DHX34: variants seen among roughly 807,000 people sequenced by gnomAD.
DHX34 encodes the protein probable ATP-dependent RNA helicase DHX34.
In DHX34, 96 loss-of-function variants were observed where a neutral mutation model predicts 111.1. That is an observed-to-expected ratio of 0.86 (90% CI 0.73 to 1.02). The LOEUF (loss-of-function observed/expected upper bound fraction) is 1.02. Among genes scored for constraint, DHX34 ranks in the 50% least tolerant of loss-of-function variants. The probability of loss-of-function intolerance (pLI) is 0.00; values close to 1 mark genes in which losing one functional copy is unlikely to be tolerated. For synonymous variants in DHX34, 688 were observed against 670.4 expected, an observed-to-expected ratio of 1.03 and a Z score of -0.41; for missense variants, 1,560 against 1,579.9, an observed-to-expected ratio of 0.99 and a Z score of 0.21.
In DHX34 at chr19:47,362,603, C is replaced by T. The variant is rs149791926; in HGVS notation, c.1503C>T (p.Phe501=). The T allele has an allele frequency of 1.5e-4, 250 of 1,613,964 alleles. No homozygotes were observed. The East Asian group carries it at 2.3e-3, about 15-fold the overall frequency. ...RAGRTGPGVC[F]RLYAESDYDA... Reference sequence around the variant, plus strand: ...GCCGCACGGGCCCCGGAGTCTGCTTCCGCCTCTATGCCGAATCGGACTATG... The same window carrying T: ...GCCGCACGGGCCCCGGAGTCTGCTTTCGCCTCTATGCCGAATCGGACTATG... Residue 501 remains phenylalanine (F), a synonymous_variant, in exon 6 of 17, where the codon TTC becomes TTT. Coordinates refer to ENST00000328771, the MANE Select transcript of DHX34 (RefSeq NM_014681.6).
chr19:47,379,856 A>C lies in DHX34; in HGVS notation c.2853A>C (p.Glu951Asp). Residue 951 changes from glutamate (E) to aspartate (D), a missense_variant, in exon 14 of 17, where the codon GAA becomes GAC. By Grantham distance (45) the Glu-to-Asp change is conservative (BLOSUM62 2). Coordinates refer to ENST00000328771, the MANE Select transcript of DHX34 (RefSeq NM_014681.6). ...AASLRLRARW[E>D]SALDRQLAHQ... is the part of the protein sequence containing the mutation. Reference sequence around the variant, plus strand: ...CCCTGCGGCTCCGTGCCCGCTGGGAAAGTGCCCTGGACCGGCAGCTGGCGC... The same window carrying C: ...CCCTGCGGCTCCGTGCCCGCTGGGACAGTGCCCTGGACCGGCAGCTGGCGC... 1 of 1,613,752 alleles carries C rather than the reference A, an allele frequency of 6.2e-7. No homozygotes were observed. Among genetic ancestry groups the C allele is most frequent in the Non-Finnish European group, 8.5e-7 (1 of 1,179,826 alleles).
At chr19:47,376,403 G>A (rs1970157737) in intron 11 of DHX34, 40 bp from the exon 12 acceptor site, 2 of 1,590,002 alleles carry the variant, frequency 1.3e-6, no homozygotes, top group Non-Finnish European at 1.7e-6. Flanking sequence ...AGAGGAGAGA[G>A]CAGATAGGAG....
In DHX34 at chr19:47,355,324, G is replaced by A; in HGVS notation, c.991G>A (p.Val331Met). 1 of 1,613,532 alleles carries A rather than the reference G, an allele frequency of 6.2e-7. No individual in the cohort carries two copies. Among genetic ancestry groups the A allele is most frequent in the Non-Finnish European group, 8.5e-7 (1 of 1,179,500 alleles). Residue 331 changes from valine (V) to methionine (M), a missense_variant, in exon 3 of 17, where the codon GTG becomes ATG. By Grantham distance (21) the Val-to-Met change is conservative. Transcript: ENST00000328771. ...SYFSNAPVVQ[V>M]PGRLFPITVV... ...TTTCAGCAATGCCCCTGTGGTACAG[G>A]TGCCTGGGAGGCTGTTCCCCATCAC...
In DHX34 at chr19:47,353,227, G is replaced by T; in HGVS notation, c.197G>T (p.Arg66Leu). The change falls in exon 2 of 17, where the codon CGC becomes CTC. Residue 66 changes from arginine (R) to leucine (L), a missense_variant. Physicochemically the swap from Arg to Leu is moderately radical, Grantham distance 102 (BLOSUM62 -2). Coordinates refer to ENST00000328771, the MANE Select transcript of DHX34 (RefSeq NM_014681.6). This position sits in a 1 kb window ranked among gnomAD's most constrained non-coding sequence, Gnocchi z 4.6. ...CAGAAGTTTTGGACCTTCTTTGAACGCCTGCAGAGATTCCAGAATCTCAAG... is the reference window on the plus strand; with the variant it reads ...CAGAAGTTTTGGACCTTCTTTGAACTCCTGCAGAGATTCCAGAATCTCAAG... The part of the protein sequence containing the change: ...ECQKFWTFFE[R>L]LQRFQNLKTS... 1 of 1,614,146 alleles carries T rather than the reference G, an allele frequency of 6.2e-7. No homozygotes were observed. Among genetic ancestry groups the T allele is most frequent in the African/African-American group, 1.3e-5 (1 of 75,024 alleles).
At chr19:47,375,272 C>T (rs993157229) in intron 9 of DHX34, 194 bp from the exon 10 acceptor site, 30 of 985,238 alleles carry the variant, frequency 3.0e-5, no homozygotes, top group Admixed American at 1.2e-4. Context: ...CCCCTGGCCC[C>T]GGTGTTCCCT....
Position 47,373,329 on chromosome 19 carries a change from G to T in DHX34, c.1963-270G>T, listed in dbSNP as rs181895924. 2.7e-3 allele frequency among the ~76,000 whole-genome samples: 407 copies of T among 152,336 alleles called. 1 individual carries two copies. The highest frequency in any genetic ancestry group is 0.01 in the Middle Eastern group (3 of 294). ...CTCCCGGGGTTCACAGCCCAGTGCAGGGAGACAGACCACTGATGTGACAGT... is the reference window on the plus strand; with the variant it reads ...CTCCCGGGGTTCACAGCCCAGTGCATGGAGACAGACCACTGATGTGACAGT... On this transcript the variant is annotated intron_variant, in intron 8 of 16. Coordinates refer to ENST00000328771, the MANE Select transcript of DHX34 (RefSeq NM_014681.6).
At chr19:47,371,983 G>A (rs968031047) in intron 7 of DHX34, among the ~76,000 whole-genome samples, 4 of 151,340 alleles carry the variant, frequency 2.6e-5, no homozygotes, top group African/African-American at 4.9e-5. Flanking sequence ...CAGCTCGGGC[G>A]CCCAGAACCA....
Position 47,353,695 on chromosome 19 carries a change from A to G in DHX34, c.665A>G (p.Lys222Arg). The change falls in exon 2 of 17, where the codon AAG (lysine) becomes AGG (arginine). Residue 222 changes from lysine to arginine, a missense_variant. Lys to Arg is a conservative substitution (Grantham distance 26). Coordinates refer to ENST00000328771, the MANE Select transcript of DHX34 (RefSeq NM_014681.6). The surrounding 1 kb of genome is among the most constrained non-coding windows in gnomAD (Gnocchi z 4.6). ...CGGATCGCCTGCATCTCACTGGCCA[A>G]GCGTGTGGGCTTTGAGAGCCTCAGT... Reference protein sequence around the residue: ...PRRIACISLAKRVGFESLSQY... With the variant: ...PRRIACISLARRVGFESLSQY... 1 of 1,609,636 alleles carries G rather than the reference A, an allele frequency of 6.2e-7. No individual in the cohort carries two copies. Among genetic ancestry groups the G allele is most frequent in the Non-Finnish European group, 8.5e-7 (1 of 1,177,640 alleles).
chr19:47,374,436 C>CAAA (rs35585186), intron 9 of DHX34, among the ~76,000 whole-genome samples: 10 of 103,628 alleles, frequency 9.6e-5, no homozygotes, highest in East Asian at 5.3e-4. Flanking sequence ...AAACTCCACT[C>CAAA]AAAAAAAAAA....
At position 47,352,948 on chromosome 19, in the gene DHX34, T is replaced by C. The variant is rs1969329907; in HGVS notation, c.-83T>C. The C allele has an allele frequency of 2.0e-6, 3 of 1,497,342 alleles. No homozygotes were observed. Among genetic ancestry groups the C allele is most frequent in the Admixed American group, 2.4e-5 (1 of 41,120 alleles). 92.8% of individuals were successfully genotyped at this position (1,497,342 alleles called of 1,614,324 possible). On this transcript the variant is annotated 5_prime_UTR_variant, in exon 2 of 17. Transcript: ENST00000328771. ...TAGTTCTCTATTGCAGGCACTGGCC[T>C]CTTAAATTGTTGCAGGTGGGGAATG... is the stretch of plus-strand genomic sequence containing the variant.
chr19:47,367,279 T>G, intron 7 of DHX34, 124 bp downstream of exon 7: 3 of 1,071,512 alleles, frequency 2.8e-6, no homozygotes, highest in Non-Finnish European at 3.7e-6. Context: ...TATTCACTCT[T>G]CACTGGGCCA....
Position 47,382,091 on chromosome 19 carries a change from G to GCCAC in DHX34, c.3412_3415dup (p.Arg1139ProfsTer40). 1 of 1,614,022 alleles carries GCCAC rather than the reference G, an allele frequency of 6.2e-7. No individual in the cohort carries two copies. The highest frequency in any genetic ancestry group is 8.5e-7 in the Non-Finnish European group (1 of 1,179,992). ...CTCTTTACACCCACAGAGGTGCTGC[G>GCCAC]CCACCGGAAGCAGCACGTGTGAGCT... On this transcript the variant is annotated frameshift_variant, in exon 17 of 17. Coordinates refer to ENST00000328771, the MANE Select transcript of DHX34 (RefSeq NM_014681.6). LOFTEE classifies it high-confidence loss of function.
At chr19:47,361,002 T>A (rs1456572668) in intron 5 of DHX34, among the ~76,000 whole-genome samples, 1 of 152,064 alleles carries the variant, frequency 6.6e-6, no homozygotes, top group Non-Finnish European at 1.5e-5. Flanking sequence ...CTCTGTTTGC[T>A]CACTTTCTGT....
At position 47,382,072 on chromosome 19, in the gene DHX34, A is replaced by G. The variant is rs941644560; in HGVS notation, c.3391A>G (p.Thr1131Ala). 2.5e-6 allele frequency: 4 copies of G among 1,613,920 alleles called. No individual in the cohort carries two copies. The highest frequency in any genetic ancestry group is 2.7e-5 in the African/African-American group (2 of 74,882). ...CEACGKDFLF[T>A]PTEVLRHRKQ... ...GGCCTGCGGGAAGGACTTCCTCTTTACACCCACAGAGGTGCTGCGCCACCG... is the reference window on the plus strand; with the variant it reads ...GGCCTGCGGGAAGGACTTCCTCTTTGCACCCACAGAGGTGCTGCGCCACCG... Residue 1131 changes from threonine to alanine, a missense_variant, in exon 17 of 17, where the codon ACA (threonine) becomes GCA (alanine). Transcript: ENST00000328771.
In DHX34 at chr19:47,353,665, C is replaced by T. The variant is rs764206891; in HGVS notation, c.635C>T (p.Pro212Leu). The change falls in exon 2 of 17, where the codon CCC becomes CTC. Residue 212 changes from proline (P) to leucine (L), a missense_variant. By Grantham distance (98) the Pro-to-Leu change is moderately conservative. Coordinates refer to ENST00000328771, the MANE Select transcript of DHX34 (RefSeq NM_014681.6). The surrounding 1 kb of genome is among the most constrained non-coding windows in gnomAD (Gnocchi z 4.6). ...TTCAGTCATGTGGCGTGCACCCAGC[C>T]CCGGCGGATCGCCTGCATCTCACTG... ...AGFSHVACTQPRRIACISLAK... is the reference protein window; with the variant it reads ...AGFSHVACTQLRRIACISLAK... The T allele has an allele frequency of 1.9e-6, 3 of 1,612,682 alleles. No homozygotes were observed. Among genetic ancestry groups the T allele is most frequent in the South Asian group, 2.2e-5 (2 of 90,994 alleles).
intron 7 of DHX34, among the ~76,000 whole-genome samples, chr19:47,368,407 A>C: frequency 7.0e-6 from 1 of 143,240 alleles, no homozygotes; most frequent in Non-Finnish European, 1.5e-5. Flanking sequence ...CTTGAGTTCA[A>C]GCGATTCTCC....
rs1204853740 is a variant in DHX34, at chr19:47,355,234, A to G, written c.901A>G (p.Thr301Ala). The G allele has an allele frequency of 6.2e-7, 1 of 1,614,168 alleles. No homozygotes were observed. Among genetic ancestry groups the G allele is most frequent in the East Asian group, 2.2e-5 (1 of 44,872 alleles). ...LLGVLQRLLP[T>A]RPDLKVILMS... Reference sequence around the variant, plus strand: ...GGGCGTCCTCCAGCGCCTGTTGCCCACGCGGCCTGACCTCAAGGTCATCCT... The same window carrying G: ...GGGCGTCCTCCAGCGCCTGTTGCCCGCGCGGCCTGACCTCAAGGTCATCCT... Residue 301 changes from threonine to alanine, a missense_variant, in exon 3 of 17, where the codon ACG becomes GCG. Thr to Ala is a moderately conservative substitution (Grantham distance 58, BLOSUM62 0). Transcript: ENST00000328771.
intron 3 of DHX34, among the ~76,000 whole-genome samples, chr19:47,355,827 A>G (rs1017237977): frequency 2.6e-5 from 4 of 151,734 alleles, no homozygotes; most frequent in Non-Finnish European, 5.9e-5. Context: ...ACTCCAGCCT[A>G]GGTGACAGAG....
intron 13 of DHX34, 79 bp from the exon 14 acceptor site, chr19:47,379,631 G>A: frequency 6.6e-7 from 1 of 1,512,870 alleles, no homozygotes; most frequent in Non-Finnish European, 8.9e-7. Context: ...GTGGGCAGGA[G>A]CCCAGCCGGG....
Sources: gnomAD v4.1 joint callset for allele counts (sites outside exome capture counted in the v4.1 genomes callset) on GRCh38, gnomAD v4.1.1 for gene constraint, Gnocchi (gnomAD v3.1) non-coding constraint, MANE v1.5 for transcripts, NCBI Gene and HGNC (gene_info 2026-07-23, HGNC 2026-07-21) for gene names.